LMBR1: variants seen among roughly 807,000 people sequenced by gnomAD.
The protein encoded by LMBR1 is limb development membrane protein 1, also known as limb region 1 protein homolog.
Under a neutral mutation model 73.9 loss-of-function variants are expected in LMBR1, and 52 were observed. The observed-to-expected ratio is 0.70, with a 90% CI of 0.56 to 0.89. The LOEUF (loss-of-function observed/expected upper bound fraction) is 0.89, where lower values mean the gene tolerates loss of function less well. Among genes scored for constraint, LMBR1 ranks in the 40% least tolerant of loss-of-function variants. The pLI is 0.00. For synonymous variants in LMBR1, 215 were observed against 209.4 expected (o/e 1.03, Z -0.23); for missense variants, 539 against 579.8 (o/e 0.93, Z 0.72).
intron 4 of LMBR1, among the ~76,000 whole-genome samples, chr7:156,813,259 C>T (rs1211196616): frequency 6.6e-6 from 1 of 152,096 alleles, no homozygotes; most frequent in Non-Finnish European, 1.5e-5. Context: ...CCTTAGTCCT[C>T]AATAATACAG....
intron 1 of LMBR1, chr7:156,892,641 G>GCGGGGT (rs1803284565): frequency 3.5e-6 from 1 of 289,362 alleles, no homozygotes; most frequent in South Asian, 9.1e-5. Flanking sequence ...CGGGGCGGGG[G>GCGGGGT]CGGGGTCGGG....
intron 15 of LMBR1, among the ~76,000 whole-genome samples, chr7:156,699,731 A>T (rs1246303942): frequency 1.3e-5 from 2 of 152,146 alleles, no homozygotes; most frequent in Non-Finnish European, 2.9e-5. Flanking sequence ...CCCATCAAAA[A>T]GTGGGCAAAG....
At chr7:156,790,854 G>A (rs748730969) in intron 5 of LMBR1, among the ~76,000 whole-genome samples, 2 of 151,998 alleles carry the variant, frequency 1.3e-5, no homozygotes, top group African/African-American at 4.8e-5. Flanking sequence ...GTTCCCATAC[G>A]CCCAGATTTG....
intron 5 of LMBR1, among the ~76,000 whole-genome samples, chr7:156,776,115 T>A (rs1286267774): frequency 6.7e-6 from 1 of 148,808 alleles, no homozygotes; most frequent in Non-Finnish European, 1.5e-5. Flanking sequence ...GTAAATTATA[T>A]ATATTTTATA....
chr7:156,721,281 T>C (rs1469180310), intron 15 of LMBR1, among the ~76,000 whole-genome samples: 4 of 152,130 alleles, frequency 2.6e-5, no homozygotes, highest in African/African-American at 9.6e-5. Flanking sequence ...GAGAAAAATT[T>C]TCCTCTTTAA....
chr7:156,798,478 T>C (rs1306575576), intron 4 of LMBR1, among the ~76,000 whole-genome samples: 3 of 152,112 alleles, frequency 2.0e-5, no homozygotes, highest in Non-Finnish European at 2.9e-5. Flanking sequence ...CAACAGCCTA[T>C]GGGTAAAGGT....
chr7:156,796,395 C>T lies in LMBR1; in HGVS notation c.417G>A (p.Leu139=), dbSNP rs779990527. The change falls in exon 5 of 17, where the codon CTG becomes CTA. Residue 139 remains leucine, a synonymous_variant. Transcript: ENST00000353442. ...FFLESEGFAG[L]KKGIRARILE... is the part of the protein sequence containing the mutation. Reference sequence around the variant, plus strand: ...CAATACTAGATTCACTTACCTTTTTCAGGCCAGCAAAGCCTTCTGATTCCA... The same window carrying T: ...CAATACTAGATTCACTTACCTTTTTTAGGCCAGCAAAGCCTTCTGATTCCA... 1.5e-5 allele frequency: 24 copies of T among 1,596,104 alleles called. No individual in the cohort carries two copies. In the Admixed American group the frequency reaches 3.8e-4, roughly 25 times the overall value.
chr7:156,815,071 G>A (rs982380096), intron 4 of LMBR1, among the ~76,000 whole-genome samples: 7 of 148,320 alleles, frequency 4.7e-5, no homozygotes, highest in South Asian at 4.2e-4. Flanking sequence ...CAGGAGAATC[G>A]CTTGAACCTG....
At chr7:156,723,876 C>T (rs918073900) in intron 15 of LMBR1, among the ~76,000 whole-genome samples, 4 of 151,938 alleles carry the variant, frequency 2.6e-5, no homozygotes, top group South Asian at 2.1e-4. Flanking sequence ...AAAACCAGCC[C>T]GTTGTTTGGA....
chr7:156,746,047 C>T (rs1003691411), intron 9 of LMBR1, among the ~76,000 whole-genome samples: 10 of 152,244 alleles, frequency 6.6e-5, no homozygotes, highest in South Asian at 2.1e-4. Context: ...AGTTACATAA[C>T]GAATGAGTAT....
intron 5 of LMBR1, among the ~76,000 whole-genome samples, chr7:156,775,681 C>T (rs1407986175): frequency 6.6e-6 from 1 of 152,108 alleles, no homozygotes; most frequent in Non-Finnish European, 1.5e-5. Context: ...TTCCATTATA[C>T]TTTATGCTTT....
chr7:156,725,386 G>T, intron 14 of LMBR1, 49 bp downstream of exon 14: 2 of 1,099,076 alleles, frequency 1.8e-6, no homozygotes, highest in Non-Finnish European at 2.7e-6. Flanking sequence ...AAAGCAGTCT[G>T]TCAGGGAAGG....
At chr7:156,884,424 C>T (rs537689187) in intron 1 of LMBR1, among the ~76,000 whole-genome samples, 34 of 152,230 alleles carry the variant, frequency 2.2e-4, no homozygotes, top group Non-Finnish European at 4.4e-4. Flanking sequence ...GTCCAAATCA[C>T]AGAAATGACC....
rs900098990 is a variant in LMBR1 at position 156,754,778 on chromosome 7, T to C, written c.757+1615A>G. Among the ~76,000 whole-genome samples, 3 of 152,162 alleles carry C rather than the reference T, an allele frequency of 2.0e-5. No homozygotes were observed. In the East Asian group the frequency reaches 5.8e-4, roughly 29 times the overall value. ...AAATGGTAAGTCGTGATTTTTTCAG[T>C]CTTGCCTTCCTACACATATTTCTAA... On this transcript the variant is annotated intron_variant, in intron 9 of 16. Transcript: ENST00000353442.
chr7:156,881,547 A>C (rs1801091023), intron 1 of LMBR1, among the ~76,000 whole-genome samples: 1 of 152,242 alleles, frequency 6.6e-6, no homozygotes, highest in Non-Finnish European at 1.5e-5. Flanking sequence ...TAGTGATGGA[A>C]ATGAGAGAAA....
Position 156,873,223 on chromosome 7 carries a change from C to CG in LMBR1, c.66+19704dup, listed in dbSNP as rs529734481. The stretch of plus-strand genomic sequence containing the variant: ...CTTCCTTCTGGTGGGTTCGTGGTCT[C>CG]GCTGGCTCAGGAGTGAAGCTGCAGA... On this transcript the variant is annotated intron_variant, in intron 1 of 16. Coordinates refer to ENST00000353442, the MANE Select transcript of LMBR1 (RefSeq NM_022458.4). 1.1e-3 allele frequency among the ~76,000 whole-genome samples: 174 copies of CG among 151,876 alleles called. 1 individual carries two copies. Among genetic ancestry groups the CG allele is most frequent in the Non-Finnish European group, 1.7e-3 (114 of 67,994 alleles).
At chr7:156,718,583 A>G (rs1585353490) in intron 15 of LMBR1, among the ~76,000 whole-genome samples, 1 of 152,078 alleles carries the variant, frequency 6.6e-6, no homozygotes, top group East Asian at 1.9e-4. Flanking sequence ...AAAATTAGCC[A>G]GGTGTGGTGG....
chr7:156,799,470 G>C (rs1214678382), intron 4 of LMBR1, among the ~76,000 whole-genome samples: 3 of 152,006 alleles, frequency 2.0e-5, no homozygotes, highest in Non-Finnish European at 2.9e-5. Context: ...TAATTGTTTG[G>C]GGGCGCTGCA....
chr7:156,814,709 A>T (rs1833633775), intron 4 of LMBR1, among the ~76,000 whole-genome samples: 1 of 152,252 alleles, frequency 6.6e-6, no homozygotes, highest in Non-Finnish European at 1.5e-5. Flanking sequence ...CAAATACGTG[A>T]CCTTGAAGAG....
Sources: allele counts gnomAD v4.1 joint callset (sites outside exome capture counted in the v4.1 genomes callset), GRCh38; gene constraint gnomAD v4.1.1; transcripts MANE v1.5; gene names NCBI Gene and HGNC (gene_info 2026-07-23, HGNC 2026-07-21).